Variants in FER observed in about 807,000 individuals in gnomAD.
FER encodes the protein tyrosine-protein kinase Fer.
A neutral mutation model predicts 111.0 loss-of-function variants in FER; 63 were observed. The ratio of observed to expected loss-of-function variants is 0.57; its 90% CI spans 0.46 to 0.70. The LOEUF (loss-of-function observed/expected upper bound fraction) is 0.70. Ranked by LOEUF, FER falls within the 30% of genes least tolerant of loss-of-function variation. FER has a pLI of 0.00. For synonymous variants in FER, 327 were observed against 313.9 expected (o/e 1.04, Z -0.44); for missense variants, 914 against 954.0 (o/e 0.96, Z 0.55).
At chr5:108,851,806 T>G (rs1161450477) in intron 5 of FER, among the ~76,000 whole-genome samples, 1 of 152,180 alleles carries the variant, frequency 6.6e-6, no homozygotes, top group Non-Finnish European at 1.5e-5. Flanking sequence ...ATGCTAGGGT[T>G]TTATGTTTAC....
chr5:108,991,666 C>T (rs1763195574), intron 13 of FER, among the ~76,000 whole-genome samples: 2 of 151,586 alleles, frequency 1.3e-5, no homozygotes, highest in African/African-American at 4.8e-5. Flanking sequence ...GTTATTCATT[C>T]ATTTGTTTAT....
chr5:109,161,252 A>C (rs570801247), intron 17 of FER, among the ~76,000 whole-genome samples: 1 of 151,876 alleles, frequency 6.6e-6, no homozygotes, highest in African/African-American at 2.4e-5. Flanking sequence ...TTATGAGGCC[A>C]TAAGTATCTT....
intron 17 of FER, among the ~76,000 whole-genome samples, chr5:109,114,005 A>G (rs1362055284): frequency 1.3e-5 from 2 of 152,118 alleles, no homozygotes; most frequent in African/African-American, 4.8e-5. Flanking sequence ...TTTCTAAGCT[A>G]TTGCCCTTAC....
intron 17 of FER, among the ~76,000 whole-genome samples, chr5:109,165,167 A>AT (rs1237542160): frequency 5.9e-5 from 9 of 152,114 alleles, no homozygotes; most frequent in African/African-American, 2.2e-4. Flanking sequence ...CTACATATAT[A>AT]TTTTTTGAAT....
chr5:108,961,642 CA>C (rs1263218705), intron 13 of FER, among the ~76,000 whole-genome samples: 3 of 152,060 alleles, frequency 2.0e-5, no homozygotes, highest in Admixed American at 6.6e-5. Context: ...TTGAAATATG[CA>C]AATCATTATC....
chr5:108,836,039 C>T, intron 5 of FER: 1 of 220,796 alleles, frequency 4.5e-6, no homozygotes, highest in Non-Finnish European at 8.9e-6. Flanking sequence ...AATTATGTAG[C>T]ATGTGTAATA....
At chr5:109,041,083 A>G (rs1405822167) in intron 14 of FER, among the ~76,000 whole-genome samples, 1 of 152,154 alleles carries the variant, frequency 6.6e-6, no homozygotes, top group East Asian at 1.9e-4. Context: ...TGGGAGTGTG[A>G]ATGGTCTAAA....
chr5:108,787,677 C>T (rs1473554356), intron 2 of FER, among the ~76,000 whole-genome samples: 2 of 152,190 alleles, frequency 1.3e-5, no homozygotes, highest in African/African-American at 2.4e-5. Context: ...ATCCAGATGA[C>T]CTGCTTGCAG....
At chr5:109,113,310 A>T (rs1376874312) in intron 17 of FER, among the ~76,000 whole-genome samples, 1 of 152,184 alleles carries the variant, frequency 6.6e-6, no homozygotes, top group Non-Finnish European at 1.5e-5. Context: ...GGAGTCCCAC[A>T]TTAAGCAGCG....
At chr5:108,826,024 G>C (rs1759429385) in intron 3 of FER, among the ~76,000 whole-genome samples, 1 of 152,152 alleles carries the variant, frequency 6.6e-6, no homozygotes. Context: ...TAGAGGAAAA[G>C]CTATCAGTTT....
intron 17 of FER, among the ~76,000 whole-genome samples, chr5:109,148,750 C>T (rs1754503852): frequency 6.6e-6 from 1 of 152,042 alleles, no homozygotes; most frequent in Admixed American, 6.6e-5. Context: ...CCAAGACAGT[C>T]AAAATGGGGC....
At position 109,126,281 on chromosome 5, in the gene FER, C is replaced by T. The variant is rs149684250; in HGVS notation, c.2048+25762C>T. 2.2e-3 allele frequency among the ~76,000 whole-genome samples: 328 copies of T among 152,232 alleles called. 5 individuals are homozygous for T. The highest frequency in any genetic ancestry group is 0.018 in the Admixed American group (281 of 15,292). ...TTTAAGTGCACACGGAGTTAAGAAC[C>T]CTGCGGTTTGCATGCTTGCTATATC... On this transcript the variant is annotated intron_variant, in intron 17 of 19. Transcript: ENST00000281092.
At chr5:108,758,627 T>A (rs997882800) in intron 1 of FER, among the ~76,000 whole-genome samples, 2 of 152,192 alleles carry the variant, frequency 1.3e-5, no homozygotes, top group East Asian at 3.9e-4. Context: ...TTGTGTCTCG[T>A]TGAAGGATTC....
chr5:109,020,539 G>C (rs949078894), intron 13 of FER, among the ~76,000 whole-genome samples: 1 of 151,970 alleles, frequency 6.6e-6, no homozygotes, highest in Non-Finnish European at 1.5e-5. Context: ...TTAGATCTCA[G>C]TTTCCTTCTA....
intron 17 of FER, among the ~76,000 whole-genome samples, chr5:109,137,442 A>T (rs748295085): frequency 5.3e-5 from 8 of 152,206 alleles, no homozygotes; most frequent in Non-Finnish European, 1.0e-4. Flanking sequence ...CATATCACCA[A>T]AGACTGTGCT....
At chr5:109,098,216 G>A (rs906903262) in intron 16 of FER, among the ~76,000 whole-genome samples, 3 of 151,450 alleles carry the variant, frequency 2.0e-5, no homozygotes, top group Non-Finnish European at 4.4e-5. Context: ...GTTTTTCTTT[G>A]TTTATTAATA....
chr5:108,964,277 A>G (rs1042060857), intron 13 of FER, among the ~76,000 whole-genome samples: 1 of 152,156 alleles, frequency 6.6e-6, no homozygotes, highest in South Asian at 2.1e-4. Flanking sequence ...GTGTATGTGC[A>G]TAGAGAGGGC....
chr5:108,775,360 G>T (rs752585180), intron 2 of FER, among the ~76,000 whole-genome samples: 1 of 152,032 alleles, frequency 6.6e-6, no homozygotes, highest in Non-Finnish European at 1.5e-5. Context: ...TTGTTTGAAG[G>T]CAGTAATCTA....
chr5:109,013,666 C>A (rs376133282), intron 13 of FER, among the ~76,000 whole-genome samples: 4,841 of 151,822 alleles, frequency 0.032, 97 homozygotes, highest in Middle Eastern at 0.13. Context: ...CTGACTTCCA[C>A]AATGGTTGAA....
Sources: gnomAD v4.1 joint callset for allele counts (sites outside exome capture counted in the v4.1 genomes callset) on GRCh38, gnomAD v4.1.1 for gene constraint, MANE v1.5 for transcripts, NCBI Gene and HGNC (gene_info 2026-07-23, HGNC 2026-07-21) for gene names.